Variants in ZNF678 observed in about 807,000 individuals in gnomAD.
ZNF678 encodes the protein hypothetical protein MGC42493.
Under a neutral mutation model 3.0 loss-of-function variants are expected in ZNF678, and 5 were observed. That is an observed-to-expected ratio of 1.69 (90% confidence interval 0.88 to 3.56). The LOEUF (loss-of-function observed/expected upper bound fraction) is 3.56, where lower values mean the gene tolerates loss of function less well. ZNF678 is among the 30% of genes most tolerant of loss of function. The pLI is 0.00. For missense variants in ZNF678, 593 were observed against 605.0 expected (o/e 0.98, Z 0.21); for synonymous variants, 218 against 199.6 (o/e 1.09, Z -0.78).
chr1:227,587,723 T>C (rs1356560223), intron 1 of ZNF678, among the ~76,000 whole-genome samples: 15 of 152,200 alleles, frequency 9.9e-5, no homozygotes, highest in Admixed American at 1.3e-4. Context: ...GGGGAAGTTA[T>C]GGGTAAAATT....
At chr1:227,601,620 A>T (rs1469324951) in intron 1 of ZNF678, among the ~76,000 whole-genome samples, 1 of 151,836 alleles carries the variant, frequency 6.6e-6, no homozygotes, top group Non-Finnish European at 1.5e-5. Flanking sequence ...GCTGAAGTGC[A>T]GTGGTGCAAT....
At chr1:227,596,701 GTTAAAATAAA>G (rs1657598008) in intron 1 of ZNF678, among the ~76,000 whole-genome samples, 1 of 142,888 alleles carries the variant, frequency 7.0e-6, no homozygotes, top group African/African-American at 2.8e-5. Context: ...TACTAGGAAT[GTTAAAATAAA>G]TTAATAATTC....
intron 1 of ZNF678, among the ~76,000 whole-genome samples, chr1:227,598,212 A>T (rs1000862168): frequency 6.6e-6 from 1 of 152,210 alleles, no homozygotes; most frequent in Non-Finnish European, 1.5e-5. Flanking sequence ...AGAATTATCA[A>T]GCACTGGAAG....
Position 227,655,638 on chromosome 1 carries a change from G to T in ZNF678, c.1388G>T (p.Cys463Phe). The T allele has an allele frequency of 6.2e-7, 1 of 1,612,682 alleles. No homozygotes were observed. Among genetic ancestry groups the T allele is most frequent in the Non-Finnish European group, 8.5e-7 (1 of 1,179,264 alleles). The change falls in exon 4 of 4, where the codon TGT (cysteine) becomes TTT (phenylalanine). Residue 463 changes from cysteine (C) to phenylalanine (F), a missense_variant. Coordinates refer to ENST00000343776, the MANE Select transcript of ZNF678 (RefSeq NM_001367909.1). ...CATACTGAAGAGAAACCCTACAAAT[G>T]TGAAGAATGTGGCAAAGCCTTTAAC... ...RIHTEEKPYK[C>F]EECGKAFNQF...
At chr1:227,662,718 C>G (rs890979347), downstream of ZNF678, among the ~76,000 whole-genome samples, 2 of 152,184 alleles carry the variant, frequency 1.3e-5, no homozygotes, top group Non-Finnish European at 1.5e-5. Context: ...TCTTAACATT[C>G]AAGGGAGGCT....
chr1:227,598,950 T>C (rs1657664162), intron 1 of ZNF678: 1 of 838,942 alleles, frequency 1.2e-6, no homozygotes, highest in Non-Finnish European at 2.0e-6. Flanking sequence ...TTCTTCCAGT[T>C]CTCATTCATT....
chr1:227,566,207 G>A (rs961323296), intron 1 of ZNF678, among the ~76,000 whole-genome samples: 1 of 152,166 alleles, frequency 6.6e-6, no homozygotes, highest in African/African-American at 2.4e-5. Context: ...GCATGGAGAT[G>A]GAGCCTCTCA....
chr1:227,675,991 A>G (rs1350105106), intron 5 of ZNF678, among the ~76,000 whole-genome samples: 3 of 152,208 alleles, frequency 2.0e-5, no homozygotes, highest in Non-Finnish European at 4.4e-5. Context: ...ATCCCATCCC[A>G]CTATAATGCT....
At chr1:227,626,871 G>C (rs2102776308) in intron 1 of ZNF678, among the ~76,000 whole-genome samples, 1 of 151,914 alleles carries the variant, frequency 6.6e-6, no homozygotes, top group Admixed American at 6.5e-5. Flanking sequence ...TGTAAGCCTT[G>C]GGGAAGTCCA....
chr1:227,647,498 A>C (rs1658987885), intron 2 of ZNF678, among the ~76,000 whole-genome samples: 1 of 152,180 alleles, frequency 6.6e-6, no homozygotes, highest in African/African-American at 2.4e-5. Flanking sequence ...CAAAGAAAAC[A>C]GCCTGGAAGT....
At chr1:227,566,040 C>G (rs1016224109) in intron 1 of ZNF678, among the ~76,000 whole-genome samples, 1 of 152,096 alleles carries the variant, frequency 6.6e-6, no homozygotes, top group Non-Finnish European at 1.5e-5. Context: ...GGATTACAGG[C>G]GTGAGCCACC....
chr1:227,563,976 C>G (rs1656603528), intron 1 of ZNF678, among the ~76,000 whole-genome samples: 2 of 152,352 alleles, frequency 1.3e-5, no homozygotes, highest in Admixed American at 1.3e-4. Flanking sequence ...GGAGGGTCAT[C>G]GGGGAGAAGC....
At position 227,600,947 on chromosome 1, in the gene ZNF678, G is replaced by C. The variant is rs542698867; in HGVS notation, c.-164+37223G>C. On this transcript the variant is annotated intron_variant, in intron 1 of 3. Transcript: ENST00000343776. ...GTCTTTGATTCATCTTGAGTTTTGT[G>C]TATGGTTTAAAGAAGGGGTCCCGTT... Among the ~76,000 whole-genome samples, 13 of 152,240 alleles carry C rather than the reference G, an allele frequency of 8.5e-5. No individual in the cohort carries two copies. The East Asian group carries it at 1.7e-3, about 20-fold the overall frequency.
At position 227,661,891 on chromosome 1, in the gene ZNF678, A is replaced by T. The variant is rs1458091091; in HGVS notation, c.*6063A>T. The T allele has an allele frequency of 3.3e-5, 5 of 152,198 alleles. No homozygotes were observed. The allele number at this position is 152,198 out of a possible 1,614,324, so 9.4% of individuals were successfully genotyped here. A position where few individuals can be genotyped will look rare whatever the true frequency, so the allele number is the denominator to read the frequency against. ...CCTTCTCCCTAGCCTGGTGGTCCAC[A>T]TCATGCAGATTTACTCTAGATTCAG... On this transcript the variant is annotated 3_prime_UTR_variant, in exon 4 of 4. Transcript: ENST00000343776.
chr1:227,638,072 G>C lies in ZNF678; in HGVS notation c.-163-8472G>C, dbSNP rs992026037. On this transcript the variant is annotated intron_variant, in intron 1 of 3. Coordinates refer to ENST00000343776, the MANE Select transcript of ZNF678 (RefSeq NM_001367909.1). The surrounding 1 kb of genome is among the most constrained non-coding windows in gnomAD (Gnocchi z 4.2). ...GTTTTAGGGATAAGGTAGAGAGGTC[G>C]TGAGCAAGGGCCTGTCCAAAAAGGT... Among the ~76,000 whole-genome samples, 1 of 152,116 alleles carries C rather than the reference G, an allele frequency of 6.6e-6. No homozygotes were observed. Among genetic ancestry groups the C allele is most frequent in the Non-Finnish European group, 1.5e-5 (1 of 68,016 alleles).
intron 1 of ZNF678, among the ~76,000 whole-genome samples, chr1:227,576,181 G>A (rs574588006): frequency 6.6e-6 from 1 of 152,290 alleles, no homozygotes; most frequent in South Asian, 2.1e-4. Context: ...TTGCATTGAT[G>A]TTCATCAAAA....
chr1:227,618,632 C>T (rs1463246684), intron 1 of ZNF678, among the ~76,000 whole-genome samples: 6 of 151,934 alleles, frequency 3.9e-5, no homozygotes, highest in South Asian at 4.2e-4. Flanking sequence ...TCTTAAGAAG[C>T]AAAAATGGAG....
chr1:227,573,694 C>A (rs577856969), intron 1 of ZNF678, among the ~76,000 whole-genome samples: 32,742 of 151,776 alleles, frequency 0.22, 4,015 homozygotes, highest in African/African-American at 0.33. Flanking sequence ...CTTTTAAGTT[C>A]AGGGGTACAT....
At chr1:227,677,548 C>T (rs1659704505), downstream of ZNF678, 2 of 152,204 alleles carry the variant, frequency 1.3e-5, no homozygotes, top group South Asian at 2.1e-4. Flanking sequence ...ATACAAAGAG[C>T]AGAAGGTCAA....
Sources: gnomAD v4.1 joint callset for allele counts (sites outside exome capture counted in the v4.1 genomes callset) on GRCh38, gnomAD v4.1.1 for gene constraint, Gnocchi (gnomAD v3.1) non-coding constraint, MANE v1.5 for transcripts, NCBI Gene and HGNC (gene_info 2026-07-23, HGNC 2026-07-21) for gene names.